Variants in KCNIP1 observed in about 807,000 individuals in gnomAD.
The protein encoded by KCNIP1 is potassium voltage-gated channel interacting protein 1, also known as A-type potassium channel modulatory protein KCNIP1.
KCNIP1 carries 18 observed loss-of-function variants against 33.0 expected under a neutral mutation model. The ratio of observed to expected loss-of-function variants is 0.55; its 90% confidence interval spans 0.38 to 0.81. KCNIP1 has a LOEUF of 0.81. KCNIP1 is among the 30% of genes least tolerant of loss of function. The pLI is 0.00. For synonymous variants in KCNIP1, 93 were observed against 98.3 expected (o/e 0.95, Z 0.32); for missense variants, 238 against 271.6 (o/e 0.88, Z 0.87).
At chr5:170,457,547 C>T (rs1167091564) in intron 1 of KCNIP1, among the ~76,000 whole-genome samples, 2 of 152,192 alleles carry the variant, frequency 1.3e-5, no homozygotes, top group Non-Finnish European at 2.9e-5. Context: ...CAGTACCAGC[C>T]TGGAACCTGG....
At chr5:170,555,169 C>T (rs907522346) in intron 1 of KCNIP1, among the ~76,000 whole-genome samples, 2 of 152,164 alleles carry the variant, frequency 1.3e-5, no homozygotes, top group African/African-American at 2.4e-5. Context: ...CCAGCGAGAC[C>T]GAGACTGAGC....
chr5:170,480,401 G>A (rs1021001788), intron 1 of KCNIP1, among the ~76,000 whole-genome samples: 2 of 151,998 alleles, frequency 1.3e-5, no homozygotes, highest in East Asian at 3.9e-4. Context: ...ATAAAAGTCC[G>A]TGCCTTCACA....
intron 1 of KCNIP1, among the ~76,000 whole-genome samples, chr5:170,714,564 C>T (rs1763578745): frequency 6.6e-6 from 1 of 152,118 alleles, no homozygotes. Context: ...ATTGTGGTCC[C>T]ATAAGATTAT....
At chr5:170,380,330 C>T (rs73325653) in intron 1 of KCNIP1, among the ~76,000 whole-genome samples, 116 of 152,312 alleles carry the variant, frequency 7.6e-4, no homozygotes, top group African/African-American at 2.8e-3. Flanking sequence ...TCACTGAGGG[C>T]GAGACCCAGG....
chr5:170,734,388 G>A (rs1450891680), intron 7 of KCNIP1, among the ~76,000 whole-genome samples: 1 of 152,076 alleles, frequency 6.6e-6, no homozygotes, highest in Non-Finnish European at 1.5e-5. Flanking sequence ...CAAATGTCCT[G>A]GACCAATGCT....
Position 170,409,343 on chromosome 5 carries a change from C to T in KCNIP1, c.88+55379C>T, listed in dbSNP as rs1209194704. On this transcript the variant is annotated intron_variant, in intron 1 of 7. Transcript: ENST00000377360. ...ACCTGCCTTCAGGGTCTTGAGGCCT[C>T]AAAAAGTTGCCCTCAGGGATTAGAC... Among the ~76,000 whole-genome samples, 2 of 152,252 alleles carry T rather than the reference C, an allele frequency of 1.3e-5. 1 individual carries two copies. The highest frequency in any genetic ancestry group is 4.8e-5 in the African/African-American group (2 of 41,544).
At chr5:170,481,123 A>G (rs946856311) in intron 1 of KCNIP1, among the ~76,000 whole-genome samples, 4 of 152,200 alleles carry the variant, frequency 2.6e-5, no homozygotes, top group African/African-American at 9.7e-5. Flanking sequence ...ATAGCCATCA[A>G]TCTTATTTGA....
chr5:170,602,315 A>T (rs905812), intron 1 of KCNIP1, among the ~76,000 whole-genome samples: 48,274 of 152,038 alleles, frequency 0.32, 8,750 homozygotes, highest in Non-Finnish European at 0.42. Context: ...GGACTTTCAG[A>T]CCAAGCAGAC....
In KCNIP1 at chr5:170,722,697, C is replaced by A; in HGVS notation, c.328-16C>A. 6.4e-7 allele frequency: 1 copy of A among 1,564,824 alleles called. No individual in the cohort carries two copies. The highest frequency in any genetic ancestry group is 8.8e-7 in the Non-Finnish European group (1 of 1,135,336). On this transcript the variant is annotated splice_polypyrimidine_tract_variant and intron_variant, in intron 4 of 7. Coordinates refer to ENST00000328939, the MANE Select transcript of KCNIP1 (RefSeq NM_014592.4). ...GGCTTGATGGTTAATGTCACTCTGC[C>A]TTTTCCCCTTCTCAGGACTTTGTAA...
At chr5:170,657,197 T>C (rs1026396637) in intron 1 of KCNIP1, among the ~76,000 whole-genome samples, 1 of 152,064 alleles carries the variant, frequency 6.6e-6, no homozygotes, top group African/African-American at 2.4e-5. Flanking sequence ...GGTTTCACCA[T>C]GTTGGCCACG....
rs113360978 is a variant in KCNIP1, at chr5:170,557,520, G to T, written c.61+52887G>T. ...CTGCTGTGTCCCAAGCTCTGTGCTT[G>T]GGGTCAACCACCCAGAAATGAATCG... is the stretch of plus-strand genomic sequence containing the variant. On this transcript the variant is annotated intron_variant, in intron 1 of 7. Transcript: ENST00000328939. Among the ~76,000 whole-genome samples the T allele has an allele frequency of 8.6e-3, 1,303 of 152,212 alleles. 19 individuals are homozygous for T. The highest frequency in any genetic ancestry group is 0.03 in the African/African-American group (1,242 of 41,528).
intron 1 of KCNIP1, among the ~76,000 whole-genome samples, chr5:170,450,259 A>T (rs957481208): frequency 3.9e-5 from 6 of 151,900 alleles, no homozygotes; most frequent in African/African-American, 1.5e-4. Flanking sequence ...TCTTTACAGC[A>T]CCCTCCTCGG....
intron 1 of KCNIP1, among the ~76,000 whole-genome samples, chr5:170,696,731 G>A (rs991738730): frequency 6.6e-6 from 1 of 152,124 alleles, no homozygotes; most frequent in African/African-American, 2.4e-5. Context: ...GTCATGTTGG[G>A]GGAACAGCAA....
At chr5:170,598,817 C>T (rs1758560823) in intron 1 of KCNIP1, among the ~76,000 whole-genome samples, 1 of 152,026 alleles carries the variant, frequency 6.6e-6, no homozygotes, top group South Asian at 2.1e-4. Flanking sequence ...ATCATAGATG[C>T]CAAAGCTGAA....
chr5:170,517,713 G>GTGA (rs1411556548), intron 1 of KCNIP1, among the ~76,000 whole-genome samples: 2 of 150,908 alleles, frequency 1.3e-5, no homozygotes, highest in South Asian at 2.1e-4. Flanking sequence ...GGTGATGGTA[G>GTGA]TAGTGATGGT....
At chr5:170,495,190 C>T (rs879322748) in intron 1 of KCNIP1, among the ~76,000 whole-genome samples, 2 of 152,304 alleles carry the variant, frequency 1.3e-5, no homozygotes, top group South Asian at 2.1e-4. Context: ...CTGAAGTGGG[C>T]TCTACCTCTG....
intron 1 of KCNIP1, among the ~76,000 whole-genome samples, chr5:170,676,377 C>T (rs929136686): frequency 1.3e-5 from 2 of 152,114 alleles, no homozygotes; most frequent in African/African-American, 4.8e-5. Context: ...TTCCCATTTT[C>T]GTCAGTGATG....
Position 170,539,357 on chromosome 5 carries a change from G to A in KCNIP1, c.61+34724G>A, listed in dbSNP as rs138248272. 1.3e-4 allele frequency among the ~76,000 whole-genome samples: 20 copies of A among 152,216 alleles called. No homozygotes were observed. In the East Asian group the frequency reaches 2.9e-3, roughly 22 times the overall value. On this transcript the variant is annotated intron_variant, in intron 1 of 7. Transcript: ENST00000328939. ...ACTCCCAACCACAGACTTCAAGGCC[G>A]CACCTGCTCTGACCCTGCTGACCTC...
At chr5:170,411,641 TC>T (rs34173556) in intron 1 of KCNIP1, among the ~76,000 whole-genome samples, 99,334 of 151,542 alleles carry the variant, frequency 0.66, 32,610 homozygotes, top group Middle Eastern at 0.72. Context: ...CATGATTATA[TC>T]CCCCCAACAA....
Sources: gnomAD v4.1 joint callset for allele counts (sites outside exome capture counted in the v4.1 genomes callset) on GRCh38, gnomAD v4.1.1 for gene constraint, MANE v1.5 for transcripts, NCBI Gene and HGNC (gene_info 2026-07-23, HGNC 2026-07-21) for gene names.